NAALADL2: variants seen among roughly 807,000 people sequenced by gnomAD.
NAALADL2 encodes N-acetylated alpha-linked acidic dipeptidase like 2, also known as inactive N-acetylated-alpha-linked acidic dipeptidase-like protein 2.
In NAALADL2, 76 loss-of-function variants were observed where a neutral mutation model predicts 87.2. That is an observed-to-expected ratio of 0.87 (90% CI 0.72 to 1.05). NAALADL2 has a LOEUF of 1.05. NAALADL2 is among the 50% of genes least tolerant of loss of function. The pLI, the probability that NAALADL2 is intolerant of heterozygous loss-of-function variation, is 0.00. For synonymous variants in NAALADL2, 354 were observed against 331.0 expected, an observed-to-expected ratio of 1.07 and a Z score of -0.75; for missense variants, 1,089 against 945.8, an observed-to-expected ratio of 1.15 and a Z score of -1.99.
chr3:175,294,728 C>T (rs1756099814), intron 4 of NAALADL2, among the ~76,000 whole-genome samples: 1 of 152,278 alleles, frequency 6.6e-6, no homozygotes, highest in South Asian at 2.1e-4. Flanking sequence ...TTATAGACAA[C>T]CTTCTAATGG....
At chr3:174,830,726 T>C (rs1191002395) in intron 3 of NAALADL2, among the ~76,000 whole-genome samples, 1 of 152,150 alleles carries the variant, frequency 6.6e-6, no homozygotes, top group Admixed American at 6.5e-5. Context: ...ATATTGATTC[T>C]TCCTACCCAT....
At chr3:175,607,911 A>ACACACGCACACACACG (rs113346198) in intron 10 of NAALADL2, among the ~76,000 whole-genome samples, 1 of 28,382 alleles carries the variant, frequency 3.5e-5, no homozygotes, top group Non-Finnish European at 8.5e-5. Flanking sequence ...ACACACACAC[A>ACACACGCACACACACG]CGCACACACA....
At chr3:174,587,678 T>C (rs1472715558) in intron 2 of NAALADL2, among the ~76,000 whole-genome samples, 1 of 152,214 alleles carries the variant, frequency 6.6e-6, no homozygotes, top group Non-Finnish European at 1.5e-5. Context: ...GAAAATTCTT[T>C]TCTTTAAGAA....
chr3:174,787,576 C>CATATATAT (rs71300440), intron 3 of NAALADL2, among the ~76,000 whole-genome samples: 300 of 14,694 alleles, frequency 0.02, 25 homozygotes, highest in Non-Finnish European at 0.029. Context: ...AATATATCAT[C>CATATATAT]ATATATATAT....
intron 11 of NAALADL2, among the ~76,000 whole-genome samples, chr3:175,678,759 G>T (rs888672117): frequency 6.6e-6 from 1 of 152,106 alleles, no homozygotes; most frequent in Non-Finnish European, 1.5e-5. Context: ...AGCATTAGGA[G>T]ATATATCTAA....
intron 11 of NAALADL2, chr3:175,676,574 C>G (rs771026286): frequency 2.6e-5 from 4 of 151,716 alleles, no homozygotes; most frequent in Non-Finnish European, 5.9e-5. Flanking sequence ...CTCACTGTAA[C>G]TTTCTTGCTT....
chr3:175,410,927 A>T (rs1240348822), intron 5 of NAALADL2, among the ~76,000 whole-genome samples: 1 of 152,192 alleles, frequency 6.6e-6, no homozygotes, highest in Non-Finnish European at 1.5e-5. Context: ...GGGTGAAGGT[A>T]ATGGGATAGA....
chr3:175,697,288 G>A (rs1737936195), intron 11 of NAALADL2, among the ~76,000 whole-genome samples: 1 of 151,800 alleles, frequency 6.6e-6, no homozygotes. Context: ...ATGCCTTAGG[G>A]GAGAATACAG....
chr3:175,565,717 A>G (rs140245280), intron 9 of NAALADL2, among the ~76,000 whole-genome samples: 161 of 150,516 alleles, frequency 1.1e-3, no homozygotes, highest in Non-Finnish European at 1.7e-3. Context: ...TAAATACCCA[A>G]TTTCTCCACT....
chr3:174,550,663 T>C (rs1263429616), intron 2 of NAALADL2: 1 of 152,020 alleles, frequency 6.6e-6, no homozygotes, highest in Admixed American at 6.5e-5. Flanking sequence ...AGATATTTTA[T>C]CCAGGATAAA....
At chr3:175,305,277 T>A (rs1280435824) in intron 4 of NAALADL2, among the ~76,000 whole-genome samples, 2 of 140,146 alleles carry the variant, frequency 1.4e-5, no homozygotes, top group Non-Finnish European at 3.2e-5. Context: ...TGTGTATGTG[T>A]ATGTGTGTGT....
intron 9 of NAALADL2, among the ~76,000 whole-genome samples, chr3:175,528,032 A>G (rs1467761479): frequency 6.6e-6 from 1 of 152,086 alleles, no homozygotes; most frequent in Non-Finnish European, 1.5e-5. Context: ...AGTTTGAAAA[A>G]GTATACTCAT....
chr3:174,787,604 T>TATATATATATATATATATATACACACAC (rs1268295230), intron 3 of NAALADL2, among the ~76,000 whole-genome samples: 1 of 87,944 alleles, frequency 1.1e-5, no homozygotes, highest in South Asian at 5.0e-4. Context: ...TATATATATA[T>TATATATATATATATATATATACACACAC]ATATATATAT....
At chr3:174,956,268 TA>T (rs1399823515) in intron 1 of NAALADL2, among the ~76,000 whole-genome samples, 1 of 152,066 alleles carries the variant, frequency 6.6e-6, no homozygotes. Context: ...GGTAATCTTG[TA>T]GTCTCTTATG....
At chr3:174,555,270 A>T (rs1261499175) in intron 2 of NAALADL2, among the ~76,000 whole-genome samples, 1 of 152,216 alleles carries the variant, frequency 6.6e-6, no homozygotes, top group Non-Finnish European at 1.5e-5. Context: ...TGAGACACTG[A>T]AATCTTCAGA....
chr3:175,374,171 T>C (rs1038203016), intron 5 of NAALADL2, among the ~76,000 whole-genome samples: 1 of 152,126 alleles, frequency 6.6e-6, no homozygotes, highest in African/African-American at 2.4e-5. Flanking sequence ...TTTATTTTTA[T>C]TTTATTGCTC....
In NAALADL2 at chr3:175,506,931, C is replaced by T. The variant is rs142244182; in HGVS notation, c.1653+35173C>T. The stretch of plus-strand genomic sequence containing the variant: ...TTTCTTCCTTTAGAGGGGGAAATGA[C>T]ATGCACGGGACATGTCAGCCAGCTC... On this transcript the variant is annotated intron_variant, in intron 9 of 13. Coordinates refer to ENST00000454872, the MANE Select transcript of NAALADL2 (RefSeq NM_207015.3). Among the ~76,000 whole-genome samples the T allele has an allele frequency of 7.6e-4, 115 of 152,232 alleles. 1 individual carries two copies. The highest frequency in any genetic ancestry group is 2.7e-3 in the African/African-American group (111 of 41,532).
At chr3:174,458,505 TCTC>T (rs1288701830) in intron 1 of NAALADL2, 1 of 152,244 alleles carries the variant, frequency 6.6e-6, no homozygotes, top group African/African-American at 2.4e-5. Context: ...ATTTTCTTGT[TCTC>T]CACAGTTTTC....
chr3:174,500,747 G>C (rs1718828060), intron 1 of NAALADL2, among the ~76,000 whole-genome samples: 1 of 151,950 alleles, frequency 6.6e-6, no homozygotes, highest in Non-Finnish European at 1.5e-5. Context: ...TTATCAGTCT[G>C]TTATTATGGT....
Sources: allele counts gnomAD v4.1 joint callset (sites outside exome capture counted in the v4.1 genomes callset), GRCh38; gene constraint gnomAD v4.1.1; transcripts MANE v1.5; gene names NCBI Gene and HGNC (gene_info 2026-07-23, HGNC 2026-07-21).